SLX9: variants seen among roughly 807,000 people sequenced by gnomAD.
SLX9 encodes the protein ribosome biogenesis protein SLX9 homolog.
A neutral mutation model predicts 20.8 loss-of-function variants in SLX9; 19 were observed. The ratio of observed to expected loss-of-function variants is 0.91; its 90% CI spans 0.64 to 1.34. The LOEUF is 1.34. Ranked by LOEUF, SLX9 falls within the 40% of genes most tolerant of loss-of-function variation. The pLI, the probability that SLX9 is intolerant of heterozygous loss-of-function variation, is 0.00. For missense variants in SLX9, 299 were observed against 322.2 expected, an observed-to-expected ratio of 0.93 and a Z score of 0.55; for synonymous variants, 113 against 137.1, an observed-to-expected ratio of 0.82 and a Z score of 1.23.
At chr21:44,963,801 ATTACCATAGC>A (rs2084987533) in intron 3 of SLX9, among the ~76,000 whole-genome samples, 1 of 152,192 alleles carries the variant, frequency 6.6e-6, no homozygotes, top group African/African-American at 2.4e-5. Context: ...GACTGTCTTG[ATTACCATAGC>A]TTTAGGATTA....
At chr21:44,945,993 C>G (rs1333417676) in intron 2 of SLX9, among the ~76,000 whole-genome samples, 1 of 151,850 alleles carries the variant, frequency 6.6e-6, no homozygotes, top group African/African-American at 2.4e-5. Flanking sequence ...CTTGGCCTCT[C>G]AAAGTGCTGG....
chr21:44,961,901 G>A (rs2084954437), intron 3 of SLX9, among the ~76,000 whole-genome samples: 1 of 152,178 alleles, frequency 6.6e-6, no homozygotes, highest in Admixed American at 6.5e-5. Context: ...TCTAAATACA[G>A]CTTTAGCTAC....
Position 44,969,535 on chromosome 21 carries a change from T to C in SLX9, c.500+2354T>C, listed in dbSNP as rs1404498469. Among the ~76,000 whole-genome samples the C allele has an allele frequency of 2.0e-5, 3 of 152,138 alleles. No homozygotes were observed. In the East Asian group the frequency reaches 5.8e-4, roughly 29 times the overall value. ...CTGGGAGTCCCCGTCCCTCCTCAGA[T>C]GTGGCTCAGGCAGCAGTGCCTCCTG... On this transcript the variant is annotated intron_variant, in intron 4 of 5. Coordinates refer to ENST00000291634, the MANE Select transcript of SLX9 (RefSeq NM_058190.4).
chr21:44,962,038 C>A (rs2084955796), intron 3 of SLX9, among the ~76,000 whole-genome samples: 1 of 152,212 alleles, frequency 6.6e-6, no homozygotes, highest in South Asian at 2.1e-4. Context: ...CATAACCGTT[C>A]ATCTAGCAGT....
intron 3 of SLX9, 24 bp from the exon 4 acceptor site, chr21:44,967,010 C>A (rs374516190): frequency 3.0e-5 from 48 of 1,595,334 alleles, no homozygotes; most frequent in African/African-American, 4.0e-5. Context: ...TTGTTTGCCT[C>A]TAACGTCGTT....
At position 44,940,034 on chromosome 21, in the gene SLX9, C is replaced by G. The variant is rs764163037; in HGVS notation, c.-24C>G. 5 of 1,419,070 alleles carry G rather than the reference C, an allele frequency of 3.5e-6. No homozygotes were observed. The African/African-American group carries it at 7.6e-5, about 21-fold the overall frequency. The allele number at this position is 1,419,070 out of a possible 1,614,324, so 87.9% of individuals were successfully genotyped here. Reference sequence around the variant, plus strand: ...ACCAGCTTCCGGGAGGCGCTCCGCACGTTTGCCGTGCTCCGCCGGGAAGAT... The same window carrying G: ...ACCAGCTTCCGGGAGGCGCTCCGCAGGTTTGCCGTGCTCCGCCGGGAAGAT... On this transcript the variant is annotated 5_prime_UTR_variant, in exon 1 of 6. Coordinates refer to ENST00000291634, the MANE Select transcript of SLX9 (RefSeq NM_058190.4).
chr21:44,949,100 G>T (rs910800102), intron 2 of SLX9, among the ~76,000 whole-genome samples: 1 of 152,208 alleles, frequency 6.6e-6, no homozygotes, highest in Non-Finnish European at 1.5e-5. Flanking sequence ...AGTGGGCGTT[G>T]GAAGCAGGGA....
Position 44,956,021 on chromosome 21 carries a change from G to A in SLX9, c.284-4079G>A, listed in dbSNP as rs183819498. On this transcript the variant is annotated intron_variant, in intron 2 of 5. Coordinates refer to ENST00000291634, the MANE Select transcript of SLX9 (RefSeq NM_058190.4). ...TCTGCTGATGCGGACGCCAGCCTGC[G>A]GTGCCTGCTTTGTAAAATGCGCGGC... Among the ~76,000 whole-genome samples the A allele has an allele frequency of 4.6e-5, 7 of 152,360 alleles. No individual in the cohort carries two copies. In the East Asian group the frequency reaches 5.8e-4, roughly 13 times the overall value.
chr21:44,956,576 G>C (rs2084861629), intron 2 of SLX9, among the ~76,000 whole-genome samples: 2 of 152,222 alleles, frequency 1.3e-5, no homozygotes, highest in Non-Finnish European at 2.9e-5. Flanking sequence ...CGGCACCCGA[G>C]CCCGAGATGA....
intron 4 of SLX9, 121 bp downstream of exon 4, chr21:44,967,302 T>C: frequency 1.5e-6 from 2 of 1,357,948 alleles, no homozygotes; most frequent in East Asian, 2.5e-5. Context: ...GGCCGAGAGC[T>C]GGGGCTCCAG....
intron 3 of SLX9, among the ~76,000 whole-genome samples, chr21:44,961,113 C>G (rs1384049008): frequency 6.6e-6 from 1 of 152,162 alleles, no homozygotes; most frequent in Non-Finnish European, 1.5e-5. Context: ...TTCTTTTTCA[C>G]AGTTCCTAGC....
chr21:44,940,428 A>G (rs1056948572), intron 1 of SLX9, among the ~76,000 whole-genome samples: 2 of 152,164 alleles, frequency 1.3e-5, no homozygotes, highest in Admixed American at 1.3e-4. Flanking sequence ...AGAGCCAGGA[A>G]CCTCCCGCTG....
At chr21:44,950,003 G>A (rs914070290) in intron 2 of SLX9, among the ~76,000 whole-genome samples, 2 of 152,174 alleles carry the variant, frequency 1.3e-5, no homozygotes, top group Admixed American at 6.5e-5. Context: ...GGATAGAGAC[G>A]CAGGCTCTCC....
chr21:44,963,467 C>A (rs2084982606), intron 3 of SLX9, among the ~76,000 whole-genome samples: 1 of 150,760 alleles, frequency 6.6e-6, no homozygotes, highest in African/African-American at 2.4e-5. Flanking sequence ...GTGTGTGTGT[C>A]CTATTTAAGA....
chr21:44,944,780 A>G (rs2084612625), intron 2 of SLX9, among the ~76,000 whole-genome samples: 2 of 152,194 alleles, frequency 1.3e-5, no homozygotes, highest in South Asian at 4.1e-4. Context: ...GGGCCTGTAG[A>G]TGGCCCGTTA....
At chr21:44,939,829 G>C (rs994176420), upstream of SLX9, 3 of 562,424 alleles carry the variant, frequency 5.3e-6, no homozygotes, top group African/African-American at 5.7e-5. Context: ...GTTGTTTCTC[G>C]TGCTCCGCGC....
intron 4 of SLX9, among the ~76,000 whole-genome samples, chr21:44,968,710 C>G (rs1319691411): frequency 4.6e-5 from 7 of 151,416 alleles, no homozygotes; most frequent in Admixed American, 4.6e-4. Context: ...TCTGTTCTGT[C>G]TCAGCTTCTG....
intron 4 of SLX9, among the ~76,000 whole-genome samples, chr21:44,970,677 G>A (rs59573927): frequency 0.078 from 11,918 of 152,254 alleles, 1,557 homozygotes; most frequent in African/African-American, 0.27. Context: ...TGTGCTTTGG[G>A]CTTGAGGGGT....
intron 5 of SLX9, among the ~76,000 whole-genome samples, chr21:44,975,987 A>T (rs552998397): frequency 6.6e-6 from 1 of 152,330 alleles, no homozygotes; most frequent in African/African-American, 2.4e-5. Context: ...CCGGAGGGGT[A>T]CAGGCCCCAC....
Sources: allele counts gnomAD v4.1 joint callset (sites outside exome capture counted in the v4.1 genomes callset), GRCh38; gene constraint gnomAD v4.1.1; transcripts MANE v1.5; gene names NCBI Gene and HGNC (gene_info 2026-07-23, HGNC 2026-07-21).